PLEKHH2: variants seen among roughly 807,000 people sequenced by gnomAD.
PLEKHH2 encodes pleckstrin homology, MyTH4 and FERM domain containing H2, also known as pleckstrin homology domain-containing family H member 2.
A neutral mutation model predicts 187.9 loss-of-function variants in PLEKHH2; 129 were observed. The observed-to-expected ratio is 0.69, with a 90% CI of 0.59 to 0.79. The LOEUF (loss-of-function observed/expected upper bound fraction) is 0.79, where lower values mean the gene tolerates loss of function less well. Ranked by LOEUF, PLEKHH2 falls within the 30% of genes least tolerant of loss-of-function variation. The pLI, the probability that PLEKHH2 is intolerant of heterozygous loss-of-function variation, is 0.00. For missense variants in PLEKHH2, 2,076 were observed against 1,751.2 expected (o/e 1.19, Z -3.31); for synonymous variants, 686 against 605.6 (o/e 1.13, Z -1.95).
intron 24 of PLEKHH2, among the ~76,000 whole-genome samples, chr2:43,748,297 T>C (rs1671860425): frequency 6.6e-6 from 1 of 152,206 alleles, no homozygotes; most frequent in African/African-American, 2.4e-5. Context: ...AGATAAGCAA[T>C]ATTGCATAGA....
At chr2:43,639,639 T>C (rs1574458721) in intron 1 of PLEKHH2, among the ~76,000 whole-genome samples, 1 of 150,640 alleles carries the variant, frequency 6.6e-6, no homozygotes, top group African/African-American at 2.4e-5. Context: ...TTCCATTGTA[T>C]GGATGTACCA....
intron 2 of PLEKHH2, among the ~76,000 whole-genome samples, chr2:43,678,310 C>T (rs1353622447): frequency 6.6e-6 from 1 of 152,066 alleles, no homozygotes; most frequent in East Asian, 1.9e-4. Context: ...GACGGGGTGG[C>T]GGCCGGGCAG....
At chr2:43,686,518 A>G (rs546235242) in intron 3 of PLEKHH2, among the ~76,000 whole-genome samples, 23 of 152,316 alleles carry the variant, frequency 1.5e-4, no homozygotes, top group Non-Finnish European at 2.1e-4. Flanking sequence ...TTGACTCTTA[A>G]TAAATCAATA....
At chr2:43,691,901 C>A (rs1001532547) in intron 3 of PLEKHH2, among the ~76,000 whole-genome samples, 2 of 152,074 alleles carry the variant, frequency 1.3e-5, no homozygotes, top group Non-Finnish European at 2.9e-5. Flanking sequence ...TGGAATAAGC[C>A]GGACACTTGA....
intron 16 of PLEKHH2, among the ~76,000 whole-genome samples, chr2:43,725,679 G>C (rs982414811): frequency 6.6e-6 from 1 of 152,200 alleles, no homozygotes; most frequent in African/African-American, 2.4e-5. Flanking sequence ...CTGCATAAAA[G>C]TAGCATCTTG....
rs373399236 is a variant in PLEKHH2, at chr2:43,754,165, TACACACAC to T, written c.3795+439_3795+446del. ...TCAGCTAGGATTAAGTTCAATCTTC[TACACACAC>T]ACACACACACACACACACACACACA... On this transcript the variant is annotated intron_variant, in intron 25 of 29. Transcript: ENST00000282406. Among the ~76,000 whole-genome samples the T allele has an allele frequency of 3.7e-3, 439 of 118,080 alleles. 1 individual carries two copies. The highest frequency in any genetic ancestry group is 0.016 in the Middle Eastern group (4 of 244). 77.5% of individuals were successfully genotyped at this position (118,080 alleles called of 152,430 possible).
At chr2:43,696,410 C>T (rs1257045758) in intron 6 of PLEKHH2, among the ~76,000 whole-genome samples, 2 of 151,426 alleles carry the variant, frequency 1.3e-5, no homozygotes, top group Admixed American at 6.6e-5. Flanking sequence ...ATCACTTGAG[C>T]CCGGGAGTTT....
chr2:43,680,891 A>G, intron 3 of PLEKHH2: 1 of 582,446 alleles, frequency 1.7e-6, no homozygotes, highest in Non-Finnish European at 3.1e-6. Flanking sequence ...GACAAGTAGA[A>G]TTTCTGTTTC....
intron 2 of PLEKHH2, chr2:43,676,415 C>T (rs1667794105): frequency 1.0e-6 from 1 of 984,234 alleles, no homozygotes; most frequent in East Asian, 2.5e-5. Flanking sequence ...GCTGCGCTCC[C>T]GGTTGGGCCA....
intron 19 of PLEKHH2, among the ~76,000 whole-genome samples, chr2:43,736,976 C>CA: frequency 6.6e-6 from 1 of 152,030 alleles, no homozygotes; most frequent in South Asian, 2.1e-4. Context: ...AAGACACAGG[C>CA]AAAAAAATTC....
chr2:43,688,808 A>G (rs1314674777), intron 3 of PLEKHH2, among the ~76,000 whole-genome samples: 2 of 152,196 alleles, frequency 1.3e-5, no homozygotes, highest in African/African-American at 4.8e-5. Context: ...TTGCACAGGG[A>G]TGCACTTAAT....
chr2:43,739,755 A>G (rs1671475773), intron 20 of PLEKHH2, among the ~76,000 whole-genome samples: 1 of 152,150 alleles, frequency 6.6e-6, no homozygotes, highest in Non-Finnish European at 1.5e-5. Context: ...AATTCGCCCC[A>G]TCCTTCAAAC....
intron 2 of PLEKHH2, among the ~76,000 whole-genome samples, chr2:43,656,928 A>C (rs758253081): frequency 1.1e-4 from 17 of 152,244 alleles, no homozygotes; most frequent in Non-Finnish European, 1.6e-4. Flanking sequence ...CTGAGGCAGA[A>C]GAATCGCTTG....
intron 3 of PLEKHH2, among the ~76,000 whole-genome samples, chr2:43,688,663 A>G (rs1372778225): frequency 6.6e-6 from 1 of 152,236 alleles, no homozygotes; most frequent in Non-Finnish European, 1.5e-5. Flanking sequence ...TGGGACCCAG[A>G]AAAGCTGTTT....
chr2:43,685,866 C>A (rs927196387), intron 3 of PLEKHH2, among the ~76,000 whole-genome samples: 3 of 152,218 alleles, frequency 2.0e-5, no homozygotes, highest in African/African-American at 7.2e-5. Context: ...TTGGAAAATA[C>A]TGACATATGG....
chr2:43,747,194 T>A (rs990770590), intron 24 of PLEKHH2, among the ~76,000 whole-genome samples: 4 of 151,710 alleles, frequency 2.6e-5, no homozygotes, highest in Non-Finnish European at 4.4e-5. Context: ...TAAATAAAAT[T>A]GTAATAAATA....
chr2:43,679,497 T>G (rs1041763086), intron 3 of PLEKHH2: 2 of 53,180 alleles, frequency 3.8e-5, no homozygotes, highest in African/African-American at 3.4e-4. Flanking sequence ...TTTTTCCCTT[T>G]TTTTTTTTTT....
rs192235398 is a variant in PLEKHH2, at chr2:43,678,177, C to G, written c.124-686C>G. Among the ~76,000 whole-genome samples the G allele has an allele frequency of 1.7e-3, 258 of 151,784 alleles. 2 individuals carry two copies. Among genetic ancestry groups the G allele is most frequent in the African/African-American group, 5.7e-3 (234 of 41,372 alleles). ...GGTGGCCGGGCAGAGAGGCTCCTCACTTCCTAGATGGGATGGCGGCCGGGC... is the reference window on the plus strand; with the variant it reads ...GGTGGCCGGGCAGAGAGGCTCCTCAGTTCCTAGATGGGATGGCGGCCGGGC... On this transcript the variant is annotated intron_variant, in intron 2 of 29. Transcript: ENST00000282406.
At chr2:43,714,879 G>C (rs1670138414) in intron 15 of PLEKHH2, among the ~76,000 whole-genome samples, 1 of 152,158 alleles carries the variant, frequency 6.6e-6, no homozygotes, top group South Asian at 2.1e-4. Context: ...AATGACTTCT[G>C]AGAGAAGATT....
Sources: gnomAD v4.1 joint callset for allele counts (sites outside exome capture counted in the v4.1 genomes callset) on GRCh38, gnomAD v4.1.1 for gene constraint, MANE v1.5 for transcripts, NCBI Gene and HGNC (gene_info 2026-07-23, HGNC 2026-07-21) for gene names.